HOXC4: variants seen among roughly 807,000 people sequenced by gnomAD.
The protein encoded by HOXC4 is homeobox C4.
HOXC4 carries 15 observed loss-of-function variants against 25.5 expected under a neutral mutation model. The ratio of observed to expected loss-of-function variants is 0.59; its 90% CI spans 0.39 to 0.91. The LOEUF (loss-of-function observed/expected upper bound fraction) is 0.91. Among genes scored for constraint, HOXC4 ranks in the 40% least tolerant of loss-of-function variants. The probability of loss-of-function intolerance (pLI) is 0.00; values close to 1 mark genes in which losing one functional copy is unlikely to be tolerated. For synonymous variants in HOXC4, 165 were observed against 148.0 expected (o/e 1.11, Z -0.83); for missense variants, 342 against 352.4 (o/e 0.97, Z 0.24).
chr12:54,041,869 A>G (rs1480784247), intron 1 of HOXC4, among the ~76,000 whole-genome samples: 1 of 151,008 alleles, frequency 6.6e-6, no homozygotes, highest in Non-Finnish European at 1.5e-5. Context: ...CAGAGATGAG[A>G]TTTAATCATG....
chr12:54,033,625 T>A, intron 1 of HOXC4: 1 of 1,422,540 alleles, frequency 7.0e-7, no homozygotes. Context: ...CTGGGTTTTA[T>A]AGGCCATGCG....
chr12:54,026,946 C>A (rs1032906630), intron 1 of HOXC4, among the ~76,000 whole-genome samples: 13 of 137,844 alleles, frequency 9.4e-5, no homozygotes, highest in South Asian at 2.3e-4. Flanking sequence ...TCCCCCCCCC[C>A]AACCCACCCA....
chr12:54,047,155 C>T (rs1044366790), intron 1 of HOXC4, among the ~76,000 whole-genome samples: 1 of 152,372 alleles, frequency 6.6e-6, no homozygotes, highest in Non-Finnish European at 1.5e-5. Flanking sequence ...GTCGCGCTTC[C>T]TCCGGGCTTA....
intron 1 of HOXC4, chr12:54,021,297 G>C (rs954371511): frequency 5.3e-5 from 8 of 152,240 alleles, no homozygotes; most frequent in African/African-American, 1.9e-4. Context: ...GTTACTGGAT[G>C]AACTGCGTTT....
At chr12:54,019,229 G>C (rs1205072117) in intron 1 of HOXC4, among the ~76,000 whole-genome samples, 1 of 148,778 alleles carries the variant, frequency 6.7e-6, no homozygotes, top group Non-Finnish European at 1.5e-5. Context: ...CTGACGAGGG[G>C]CTAATTTCGC....
chr12:54,033,176 C>G, intron 1 of HOXC4: 1 of 1,614,242 alleles, frequency 6.2e-7, no homozygotes, highest in South Asian at 1.1e-5. Context: ...ATATCCCTGC[C>G]TATAACATGC....
At chr12:54,024,572 C>T (rs982142416) in intron 1 of HOXC4, among the ~76,000 whole-genome samples, 1 of 152,172 alleles carries the variant, frequency 6.6e-6, no homozygotes, top group Admixed American at 6.5e-5. Context: ...ATATCCCTCC[C>T]CAGGAAATTA....
chr12:54,033,744 C>G (rs1235383501), intron 1 of HOXC4, among the ~76,000 whole-genome samples: 1 of 152,196 alleles, frequency 6.6e-6, no homozygotes, highest in Non-Finnish European at 1.5e-5. Flanking sequence ...CCCAAATTTA[C>G]GACGACATAA....
chr12:54,034,736 G>C, intron 1 of HOXC4: 1 of 520,708 alleles, frequency 1.9e-6, no homozygotes. Context: ...CCGGGGCCCA[G>C]GGCAAGCTCC....
At chr12:54,017,701 G>A (rs1316526126) in intron 1 of HOXC4, among the ~76,000 whole-genome samples, 2 of 152,116 alleles carry the variant, frequency 1.3e-5, no homozygotes, top group African/African-American at 2.4e-5. Flanking sequence ...GCGGTCTAGG[G>A]CGCCAGCTCT....
At position 54,026,964 on chromosome 12, in the gene HOXC4, TGGGG is replaced by T. The variant is rs71068201; in HGVS notation, c.-124+9559_-124+9562del. On this transcript the variant is annotated intron_variant, in intron 1 of 3. Coordinates refer to the HOXC4 transcript ENST00000303406. Reference sequence around the variant, plus strand: ...CCCCCCCCAACCCACCCAAAAATGGTGGGGGGGGGGGGATATGAGCTTTCTCTGC... The same window carrying T: ...CCCCCCCCAACCCACCCAAAAATGGTGGGGGGGGATATGAGCTTTCTCTGC... Among the ~76,000 whole-genome samples the T allele has an allele frequency of 3.1e-5, 4 of 127,280 alleles. No homozygotes were observed. The East Asian group carries it at 9.7e-4, about 31-fold the overall frequency. 83.5% of individuals were successfully genotyped at this position (127,280 alleles called of 152,430 possible).
intron 1 of HOXC4, chr12:54,029,631 T>A (rs760440415): frequency 5.0e-6 from 8 of 1,603,732 alleles, no homozygotes; most frequent in Non-Finnish European, 6.8e-6. Context: ...TTGCTTTTAG[T>A]GTGTTTTGTG....
At chr12:54,041,702 G>T (rs1480805654) in intron 1 of HOXC4, among the ~76,000 whole-genome samples, 1 of 152,160 alleles carries the variant, frequency 6.6e-6, no homozygotes, top group African/African-American at 2.4e-5. Flanking sequence ...TTGAGACTAA[G>T]TTTCACTCTT....
At position 54,054,860 on chromosome 12, in the gene HOXC4, T is replaced by C. The variant is rs969961085; in HGVS notation, c.450T>C (p.Asn150=). 6.2e-7 allele frequency: 1 copy of C among 1,604,812 alleles called. No homozygotes were observed. The highest frequency in any genetic ancestry group is 8.5e-7 in the Non-Finnish European group (1 of 1,172,816). ...TTCCCCTCCCCCCAGTGAACCCCAA[T>C]TATAACGGAGGGGAACCCAAGCGCT... ...KKIHVSTVNP[N]YNGGEPKRSR... The change falls in exon 2 of 2, where the codon AAT becomes AAC. Residue 150 remains asparagine, a synonymous_variant. Transcript: ENST00000430889.
At position 54,042,883 on chromosome 12, in the gene HOXC4, T is replaced by C. The variant is rs150363726; in HGVS notation, c.-123-10277T>C. On this transcript the variant is annotated intron_variant, in intron 1 of 3. Transcript: ENST00000303406. ...ACTGATACTATCTCTGCTAGCAGCTTTGATGGGGCTCCAGGAGCCCAAGGA... is the reference window on the plus strand; with the variant it reads ...ACTGATACTATCTCTGCTAGCAGCTCTGATGGGGCTCCAGGAGCCCAAGGA... Among the ~76,000 whole-genome samples the C allele has an allele frequency of 3.9e-3, 599 of 152,268 alleles. 3 individuals carry two copies. Among genetic ancestry groups the C allele is most frequent in the Non-Finnish European group, 6.9e-3 (472 of 68,022 alleles).
chr12:54,051,380 C>T (rs1325824520), upstream of HOXC4, among the ~76,000 whole-genome samples: 1 of 152,044 alleles, frequency 6.6e-6, no homozygotes, highest in Non-Finnish European at 1.5e-5. Flanking sequence ...TCCCTTTGCC[C>T]TCTTCCAGCA....
upstream of HOXC4, among the ~76,000 whole-genome samples, chr12:54,051,315 G>A (rs1160021962): frequency 1.3e-5 from 2 of 152,038 alleles, no homozygotes; most frequent in East Asian, 3.8e-4. Context: ...GGACTTCCCG[G>A]TGGAGCCATC....
chr12:54,034,724 AC>A (rs1232480020), intron 1 of HOXC4: 11 of 529,308 alleles, frequency 2.1e-5, no homozygotes, highest in Non-Finnish European at 3.4e-6. Context: ...TCAGCTCGGT[AC>A]CCGGGGCCCA....
rs137954489 is a variant in HOXC4, at chr12:54,042,918, C to T, written c.-123-10242C>T. ...TCCAGGAGCCCAAGGAATTGCCAGA[C>T]AAGGTCTGGGTTGAGGAACTTCGGT... is the stretch of plus-strand genomic sequence containing the variant. On this transcript the variant is annotated intron_variant, in intron 1 of 3. Coordinates refer to the HOXC4 transcript ENST00000303406. Among the ~76,000 whole-genome samples, 52 of 152,304 alleles carry T rather than the reference C, an allele frequency of 3.4e-4. No homozygotes were observed. The East Asian group carries it at 9.5e-3, about 28-fold the overall frequency.
Sources: gnomAD v4.1 joint callset for allele counts (sites outside exome capture counted in the v4.1 genomes callset) on GRCh38, gnomAD v4.1.1 for gene constraint, MANE v1.5 for transcripts, NCBI Gene and HGNC (gene_info 2026-07-23, HGNC 2026-07-21) for gene names.